MAPK10: variants seen among roughly 807,000 people sequenced by gnomAD.
The protein encoded by MAPK10 is mitogen-activated protein kinase 10.
A neutral mutation model predicts 59.3 loss-of-function variants in MAPK10; 25 were observed. That is an observed-to-expected ratio of 0.42 (90% confidence interval 0.31 to 0.59). MAPK10 has a LOEUF of 0.59. Ranked by LOEUF, MAPK10 falls within the 20% of genes least tolerant of loss-of-function variation. The pLI, the probability that MAPK10 is intolerant of heterozygous loss-of-function variation, is 0.15. For missense variants in MAPK10, 351 were observed against 568.9 expected (o/e 0.62, Z 3.90); for synonymous variants, 190 against 200.5 (o/e 0.95, Z 0.44).
chr4:86,136,923 GAA>G (rs1562182901), intron 4 of MAPK10, among the ~76,000 whole-genome samples: 1 of 151,840 alleles, frequency 6.6e-6, no homozygotes, highest in South Asian at 2.1e-4. Context: ...CAACAAAGAT[GAA>G]AAGAGACAAA....
chr4:86,222,689 T>C (rs2089899556), intron 2 of MAPK10, among the ~76,000 whole-genome samples: 1 of 152,244 alleles, frequency 6.6e-6, no homozygotes, highest in African/African-American at 2.4e-5. Flanking sequence ...TGGAAAGCAA[T>C]GTCCAGCCTC....
intron 2 of MAPK10, among the ~76,000 whole-genome samples, chr4:86,351,396 A>AACACAC (rs142964843): frequency 0.16 from 20,685 of 132,304 alleles, 1,692 homozygotes; most frequent in East Asian, 0.28. Context: ...TGTATACACA[A>AACACAC]ACACACACAC....
intron 1 of MAPK10, among the ~76,000 whole-genome samples, chr4:86,585,880 A>G (rs1392702412): frequency 6.6e-6 from 1 of 152,212 alleles, no homozygotes. Context: ...GCCTGTTTAA[A>G]TTAAATGCTC....
intron 2 of MAPK10, among the ~76,000 whole-genome samples, chr4:86,264,425 A>G (rs1175760752): frequency 6.6e-6 from 1 of 152,206 alleles, no homozygotes; most frequent in Non-Finnish European, 1.5e-5. Context: ...TTAACTTCTC[A>G]GCATGCATTA....
chr4:86,054,612 T>C (rs1014039323), intron 11 of MAPK10, among the ~76,000 whole-genome samples: 3 of 152,226 alleles, frequency 2.0e-5, no homozygotes, highest in African/African-American at 7.2e-5. Context: ...TTGCTCTTTC[T>C]ATAATTAAGC....
At chr4:86,064,132 G>T in intron 11 of MAPK10, 134 bp downstream of exon 11, 1 of 1,009,018 alleles carries the variant, frequency 9.9e-7, no homozygotes, top group Non-Finnish European at 1.4e-6. Flanking sequence ...TTTTAGAGGG[G>T]CAGATAATAG....
intron 1 of MAPK10, among the ~76,000 whole-genome samples, chr4:86,357,352 C>T (rs1043645115): frequency 2.0e-4 from 30 of 152,172 alleles, no homozygotes; most frequent in Non-Finnish European, 4.0e-4. Flanking sequence ...ACTAGGCTTA[C>T]ATCCAAAGAA....
intron 2 of MAPK10, among the ~76,000 whole-genome samples, chr4:86,216,591 T>C (rs531194400): frequency 6.6e-6 from 1 of 151,752 alleles, no homozygotes; most frequent in Non-Finnish European, 1.5e-5. Flanking sequence ...TTTTAATCCA[T>C]AAGATTAATC....
chr4:86,470,465 T>A (rs1752567237), intron 1 of MAPK10, among the ~76,000 whole-genome samples: 1 of 152,210 alleles, frequency 6.6e-6, no homozygotes, highest in South Asian at 2.1e-4. Context: ...TTTTTATTCA[T>A]AAAATCATGT....
At chr4:86,573,479 A>G (rs999579305) in intron 1 of MAPK10, among the ~76,000 whole-genome samples, 13 of 152,214 alleles carry the variant, frequency 8.5e-5, no homozygotes, top group African/African-American at 3.1e-4. Flanking sequence ...CCAATACTAC[A>G]CTGTCTTGAA....
chr4:86,286,623 G>T (rs890708108), intron 2 of MAPK10, among the ~76,000 whole-genome samples: 5 of 152,172 alleles, frequency 3.3e-5, no homozygotes, highest in African/African-American at 4.8e-5. Context: ...GCTAAAAGGG[G>T]CAGAGTTAGT....
chr4:86,501,114 GAAAA>G (rs11341561), intron 1 of MAPK10, among the ~76,000 whole-genome samples: 33,646 of 90,496 alleles, frequency 0.37, 4,993 homozygotes, highest in Admixed American at 0.48. Context: ...TCTACGATCT[GAAAA>G]AAAAAAAAAA....
rs1735532873 is a variant in MAPK10 at position 86,358,284 on chromosome 4, A to C, written c.-122+1374T>G. The C allele has an allele frequency of 1.1e-5, 11 of 985,276 alleles. No homozygotes were observed. The South Asian group carries it at 3.8e-4, about 34-fold the overall frequency. 61.0% of individuals were successfully genotyped at this position (985,276 alleles called of 1,614,324 possible). A position where few individuals can be genotyped will look rare whatever the true frequency, so the allele number is the denominator to read the frequency against. Reference sequence around the variant, plus strand: ...AACTATTTTAAATATGTTGATAAGCATTCTGTGTTATCTTCCAGGGTCCGA... The same window carrying C: ...AACTATTTTAAATATGTTGATAAGCCTTCTGTGTTATCTTCCAGGGTCCGA... On this transcript the variant is annotated intron_variant, in intron 1 of 13. Coordinates refer to ENST00000641462, the MANE Select transcript of MAPK10 (RefSeq NM_138982.4).
rs142774000 is a variant in MAPK10, at chr4:86,159,386, T to C, written c.148A>G (p.Ser50Gly). The C allele has an allele frequency of 6.2e-7, 1 of 1,612,958 alleles. No individual in the cohort carries two copies. Among genetic ancestry groups the C allele is most frequent in the Non-Finnish European group, 8.5e-7 (1 of 1,179,208 alleles). The stretch of plus-strand genomic sequence containing the variant: ...AAGGTTGAGTCTCCCACTTCCACAC[T>C]GTAGAACTGGTTGTCAACTTTGCTT... ...SKSKVDNQFY[S>G]VEVGDSTFTV... Residue 50 changes from serine (S) to glycine (G), a missense_variant, in exon 4 of 14, where the codon AGT becomes GGT. Around this residue, in one of 5 missense-constraint regions of MAPK10, gnomAD observed 61 missense variants for 58.4 expected, o/e 1.05. Coordinates refer to ENST00000641462, the MANE Select transcript of MAPK10 (RefSeq NM_138982.4).
rs74439080 is a variant in MAPK10, at chr4:86,347,617, A to C, written c.-7+6913T>G. 8.7e-3 allele frequency among the ~76,000 whole-genome samples: 1,321 copies of C among 152,246 alleles called. 24 individuals carry two copies. Among genetic ancestry groups the C allele is most frequent in the African/African-American group, 0.03 (1,241 of 41,560 alleles). On this transcript the variant is annotated intron_variant, in intron 2 of 13. Coordinates refer to ENST00000641462, the MANE Select transcript of MAPK10 (RefSeq NM_138982.4). ...AACTTGGCAGCTTATAAACAACAGA[A>C]ATTTATTTCTCAGTTCTGGAGGCTG...
chr4:86,543,406 G>T (rs569764910), intron 1 of MAPK10, among the ~76,000 whole-genome samples: 3 of 152,184 alleles, frequency 2.0e-5, no homozygotes, highest in South Asian at 2.1e-4. Flanking sequence ...TCCCTGGCTT[G>T]TTGGGAACAA....
At chr4:86,242,609 G>T (rs1409383124) in intron 2 of MAPK10, among the ~76,000 whole-genome samples, 1 of 152,210 alleles carries the variant, frequency 6.6e-6, no homozygotes, top group Non-Finnish European at 1.5e-5. Context: ...GGTTAGACCT[G>T]AAGAGCCACT....
At chr4:86,207,479 G>A (rs1156517423) in intron 2 of MAPK10, among the ~76,000 whole-genome samples, 9 of 152,126 alleles carry the variant, frequency 5.9e-5, no homozygotes, top group South Asian at 2.1e-4. Flanking sequence ...GTCAGGTAGC[G>A]TGATGCCTCC....
chr4:86,541,577 G>A (rs1228281657), intron 1 of MAPK10, among the ~76,000 whole-genome samples: 2 of 152,266 alleles, frequency 1.3e-5, no homozygotes, highest in Admixed American at 1.3e-4. Flanking sequence ...GAGACAGACA[G>A]AGTTGCACTG....
Sources: gnomAD v4.1 joint callset for allele counts (sites outside exome capture counted in the v4.1 genomes callset) on GRCh38, gnomAD v4.1.1 for gene constraint, gnomAD v4.1.1 regional missense constraint, MANE v1.5 for transcripts, NCBI Gene and HGNC (gene_info 2026-07-23, HGNC 2026-07-21) for gene names.